Variants in OR6N1 observed in about 807,000 individuals in gnomAD.
OR6N1 encodes the protein olfactory receptor family 6 subfamily N member 1.
For synonymous variants in OR6N1, 170 were observed against 150.7 expected, an observed-to-expected ratio of 1.13 and a Z score of -0.94; for missense variants, 394 against 371.7, an observed-to-expected ratio of 1.06 and a Z score of -0.49.
At chr1:158,796,686 G>T in the OR6N1 span, among the ~76,000 whole-genome samples, 1 of 151,924 alleles carries the variant, frequency 6.6e-6, no homozygotes, top group Non-Finnish European at 1.5e-5. Flanking sequence ...TCTTAATCAG[G>T]GAACTTCCCT....
rs774923186 is a variant in OR6N1 at position 158,766,039 on chromosome 1, A to G, written c.644T>C (p.Leu215Pro). 1 of 1,614,236 alleles carries G rather than the reference A, an allele frequency of 6.2e-7. No individual in the cohort carries two copies. Among genetic ancestry groups the G allele is most frequent in the South Asian group, 1.1e-5 (1 of 91,084 alleles). ...CKILATFLLI[L>P]CSYVQIICTV... is the part of the protein sequence containing the mutation. The stretch of plus-strand genomic sequence containing the variant: ...GCAGATGATCTGCACATAGGAGCAG[A>G]GGATCAGCAGGAAGGTGGCTAGGAT... Residue 215 changes from leucine to proline, a missense_variant, in exon 2 of 2, where the codon CTC becomes CCC. Physicochemically the swap from Leu to Pro is moderately conservative, Grantham distance 98. Transcript: ENST00000641846.
chr1:158,818,456 T>C, the OR6N1 span, among the ~76,000 whole-genome samples: 2 of 152,202 alleles, frequency 1.3e-5, no homozygotes, highest in Non-Finnish European at 2.9e-5. Flanking sequence ...CCTATTGATG[T>C]AGTCAGTCTC....
chr1:158,778,741 A>G, the OR6N1 span, among the ~76,000 whole-genome samples: 3 of 152,224 alleles, frequency 2.0e-5, no homozygotes, highest in South Asian at 4.1e-4. Context: ...TCGGCCGGGC[A>G]TGGTGACTCA....
At chr1:158,780,607 C>T in the OR6N1 span, among the ~76,000 whole-genome samples, 2 of 152,172 alleles carry the variant, frequency 1.3e-5, no homozygotes, top group Non-Finnish European at 2.9e-5. Context: ...TTGCATTAGC[C>T]TACAGTTGGG....
chr1:158,776,642 T>G, upstream of OR6N1: 2 of 1,223,856 alleles, frequency 1.6e-6, no homozygotes, highest in Non-Finnish European at 2.3e-6. Context: ...GGAACTTTTA[T>G]GAATTGAACA....
the OR6N1 span, among the ~76,000 whole-genome samples, chr1:158,835,248 C>G: frequency 6.6e-6 from 1 of 152,110 alleles, no homozygotes; most frequent in Non-Finnish European, 1.5e-5. Context: ...TCTTCTAACC[C>G]CTGGACACAG....
the OR6N1 span, among the ~76,000 whole-genome samples, chr1:158,802,548 C>T: frequency 6.6e-6 from 1 of 152,056 alleles, no homozygotes. Context: ...AGGTGAGTTT[C>T]ATCTTAAAAG....
chr1:158,838,305 T>C, the OR6N1 span, among the ~76,000 whole-genome samples: 1 of 152,058 alleles, frequency 6.6e-6, no homozygotes, highest in Non-Finnish European at 1.5e-5. Flanking sequence ...TATGTTTATC[T>C]GGGAATGTCT....
At chr1:158,825,191 G>A in the OR6N1 span, among the ~76,000 whole-genome samples, 2 of 152,156 alleles carry the variant, frequency 1.3e-5, no homozygotes, top group Non-Finnish European at 2.9e-5. Context: ...TGTAATCCCA[G>A]CACTTTGGGA....
At chr1:158,787,635 T>TCTCTCTCTCACACACACA in the OR6N1 span, among the ~76,000 whole-genome samples, 59 of 134,306 alleles carry the variant, frequency 4.4e-4, no homozygotes, top group African/African-American at 8.6e-4. Context: ...TCTCTCTCTC[T>TCTCTCTCTCACACACACA]CACACACACA....
chr1:158,780,572 C>T, the OR6N1 span, among the ~76,000 whole-genome samples: 1 of 152,136 alleles, frequency 6.6e-6, no homozygotes, highest in African/African-American at 2.4e-5. Context: ...GTTAGCCTAG[C>T]CTCCCTTATA....
At chr1:158,813,032 A>C in the OR6N1 span, among the ~76,000 whole-genome samples, 1 of 152,236 alleles carries the variant, frequency 6.6e-6, no homozygotes, top group Non-Finnish European at 1.5e-5. Flanking sequence ...AGTCTAACTC[A>C]TAATAAGATG....
the OR6N1 span, among the ~76,000 whole-genome samples, chr1:158,790,022 G>C: frequency 6.6e-6 from 1 of 152,188 alleles, no homozygotes; most frequent in Admixed American, 6.5e-5. Flanking sequence ...TATGTTGTGA[G>C]AGAAAGGAGT....
the OR6N1 span, among the ~76,000 whole-genome samples, chr1:158,805,496 C>G: frequency 0.016 from 2,381 of 152,264 alleles, 170 homozygotes; most frequent in Admixed American, 0.11. Flanking sequence ...GCAACCAGTC[C>G]AAGGACTTCA....
the OR6N1 span, among the ~76,000 whole-genome samples, chr1:158,796,879 C>CT: frequency 0.042 from 5,940 of 141,980 alleles, 286 homozygotes; most frequent in South Asian, 0.14. Flanking sequence ...TACAACTTAC[C>CT]TTTTTTTTTT....
chr1:158,827,560 T>G, the OR6N1 span, among the ~76,000 whole-genome samples: 3 of 151,928 alleles, frequency 2.0e-5, no homozygotes, highest in Non-Finnish European at 4.4e-5. Context: ...ATCTATTTTT[T>G]GCAATATACT....
chr1:158,779,630 A>G, the OR6N1 span, among the ~76,000 whole-genome samples: 2 of 152,204 alleles, frequency 1.3e-5, no homozygotes, highest in African/African-American at 4.8e-5. Context: ...CTTCTAACCT[A>G]AAGAGACTGT....
At chr1:158,827,919 A>T in the OR6N1 span, among the ~76,000 whole-genome samples, 1 of 152,204 alleles carries the variant, frequency 6.6e-6, no homozygotes, top group Non-Finnish European at 1.5e-5. Context: ...CCTCACAATC[A>T]CAGCAGAAGG....
At chr1:158,789,054 G>T in the OR6N1 span, among the ~76,000 whole-genome samples, 1 of 152,022 alleles carries the variant, frequency 6.6e-6, no homozygotes, top group Non-Finnish European at 1.5e-5. Flanking sequence ...CTATCTTCAT[G>T]ATATCCACTT....
Sources: gnomAD v4.1 joint callset for allele counts (sites outside exome capture counted in the v4.1 genomes callset) on GRCh38, gnomAD v4.1.1 for gene constraint, MANE v1.5 for transcripts, NCBI Gene and HGNC (gene_info 2026-07-23, HGNC 2026-07-21) for gene names.